The following ZFAT variants were observed in gnomAD, a reference collection of about 807,000 sequenced individuals.
ZFAT encodes the protein zinc finger protein ZFAT.
In ZFAT, 64 loss-of-function variants were observed where a neutral mutation model predicts 117.7. The observed-to-expected ratio is 0.54, with a 90% CI of 0.44 to 0.67. ZFAT has a LOEUF of 0.67. Among genes scored for constraint, ZFAT ranks in the 30% least tolerant of loss-of-function variants. The pLI, the probability that ZFAT is intolerant of heterozygous loss-of-function variation, is 0.00. For missense variants in ZFAT, 1,433 were observed against 1,584.5 expected (o/e 0.90, Z 1.62); for synonymous variants, 679 against 615.0 (o/e 1.10, Z -1.54).
At chr8:134,812,979 T>TC in the ZFAT span, among the ~76,000 whole-genome samples, 7 of 152,204 alleles carry the variant, frequency 4.6e-5, no homozygotes, top group African/African-American at 1.7e-4. Context: ...GAGCCTACTC[T>TC]CTTACCTGTG....
intron 3 of ZFAT, among the ~76,000 whole-genome samples, chr8:134,621,835 C>T (rs970197168): frequency 6.6e-6 from 1 of 152,174 alleles, no homozygotes. Context: ...TTAAGAGGTA[C>T]AGTGTACTAC....
At chr8:134,580,329 T>C (rs1216224491) in intron 10 of ZFAT, among the ~76,000 whole-genome samples, 1 of 152,110 alleles carries the variant, frequency 6.6e-6, no homozygotes, top group Non-Finnish European at 1.5e-5. Flanking sequence ...TAAAACCAAA[T>C]AATTCCAGGC....
At chr8:134,495,761 C>T (rs1818389101) in intron 15 of ZFAT, among the ~76,000 whole-genome samples, 1 of 152,146 alleles carries the variant, frequency 6.6e-6, no homozygotes, top group African/African-American at 2.4e-5. Flanking sequence ...AAAATCCTGT[C>T]TCTAGAAAAG....
At position 134,513,251 on chromosome 8, in the gene ZFAT, G is replaced by A. The variant is rs190031663; in HGVS notation, c.3235-650C>T. 1.6e-3 allele frequency among the ~76,000 whole-genome samples: 241 copies of A among 150,410 alleles called. 2 individuals carry two copies. The highest frequency in any genetic ancestry group is 5.6e-3 in the African/African-American group (230 of 40,786). Reference sequence around the variant, plus strand: ...CTCGCTCTGTCACCCAGGCTGGAGCGCGGTGGCGCGATCTCAGCTCACTGC... The same window carrying A: ...CTCGCTCTGTCACCCAGGCTGGAGCACGGTGGCGCGATCTCAGCTCACTGC... On this transcript the variant is annotated intron_variant, in intron 13 of 15. Coordinates refer to ENST00000377838, the MANE Select transcript of ZFAT (RefSeq NM_020863.4).
rs542964662 is a variant in ZFAT, at chr8:134,711,964, T to C, written c.19+881A>G. On this transcript the variant is annotated intron_variant, in intron 1 of 15. Coordinates refer to ENST00000377838, the MANE Select transcript of ZFAT (RefSeq NM_020863.4). The stretch of plus-strand genomic sequence containing the variant: ...AGATAAAGCTGGTGAGAGGCAGCTG[T>C]GCGGGGCATCTCCAAAAGGTCACTT... Among the ~76,000 whole-genome samples, 28 of 152,288 alleles carry C rather than the reference T, an allele frequency of 1.8e-4. No individual in the cohort carries two copies. In the South Asian group the frequency reaches 5.6e-3, roughly 30 times the overall value.
In ZFAT at chr8:134,609,754, G is replaced by C. The variant is rs150232355; in HGVS notation, c.634+716C>G. On this transcript the variant is annotated intron_variant, in intron 4 of 15. Coordinates refer to ENST00000377838, the MANE Select transcript of ZFAT (RefSeq NM_020863.4). The stretch of plus-strand genomic sequence containing the variant: ...TTTTTAAATTAAGGGTCCTATCCTA[G>C]AGATCTTTTTTAAAAATATAGTGTC... 4.6e-5 allele frequency among the ~76,000 whole-genome samples: 7 copies of C among 152,210 alleles called. No individual in the cohort carries two copies. The East Asian group carries it at 1.2e-3, about 25-fold the overall frequency.
At chr8:134,526,079 C>T (rs1218731913) in intron 12 of ZFAT, among the ~76,000 whole-genome samples, 3 of 152,148 alleles carry the variant, frequency 2.0e-5, no homozygotes, top group Non-Finnish European at 1.5e-5. Context: ...GATGTTGCTT[C>T]TCCTATAAAG....
chr8:134,506,950 T>G (rs544519807), intron 15 of ZFAT, among the ~76,000 whole-genome samples: 15 of 152,348 alleles, frequency 9.8e-5, no homozygotes, highest in Admixed American at 7.8e-4. Context: ...CAATACTGAT[T>G]TGTAGGATAC....
intron 10 of ZFAT, among the ~76,000 whole-genome samples, chr8:134,568,681 A>G (rs1824656473): frequency 6.6e-6 from 1 of 152,246 alleles, no homozygotes; most frequent in Admixed American, 6.5e-5. Context: ...CAAGAAAAGA[A>G]GGCAGAAGCT....
rs28621035 is a variant in ZFAT, at chr8:134,532,815, T to A, written c.3115+19A>T. 1.9e-6 allele frequency: 3 copies of A among 1,607,086 alleles called. No individual in the cohort carries two copies. Among genetic ancestry groups the A allele is most frequent in the African/African-American group, 2.7e-5 (2 of 74,954 alleles). On this transcript the variant is annotated intron_variant, in intron 12 of 15. Coordinates refer to ENST00000377838, the MANE Select transcript of ZFAT (RefSeq NM_020863.4). ...AAAAGGAAGCGGGCAGGGCCCCAGCTCGCTGGCCCCTCGCCTACCTTGCTG... is the reference window on the plus strand; with the variant it reads ...AAAAGGAAGCGGGCAGGGCCCCAGCACGCTGGCCCCTCGCCTACCTTGCTG...
the ZFAT span, among the ~76,000 whole-genome samples, chr8:134,778,046 C>T: frequency 6.6e-6 from 1 of 152,108 alleles, no homozygotes; most frequent in Admixed American, 6.5e-5. Context: ...TTCAAATTAC[C>T]CCCATTTAAC....
chr8:134,641,388 C>A (rs1480480065), intron 2 of ZFAT, among the ~76,000 whole-genome samples: 1 of 152,118 alleles, frequency 6.6e-6, no homozygotes, highest in African/African-American at 2.4e-5. Flanking sequence ...AAGCTGTGAC[C>A]ACCTCCTTCA....
intron 3 of ZFAT, among the ~76,000 whole-genome samples, chr8:134,613,306 A>G (rs1277232910): frequency 2.0e-5 from 3 of 152,222 alleles, no homozygotes; most frequent in Non-Finnish European, 4.4e-5. Flanking sequence ...CACTAATAAG[A>G]AGCAGCTGAA....
chr8:134,519,656 C>T, intron 13 of ZFAT, among the ~76,000 whole-genome samples: 1 of 152,066 alleles, frequency 6.6e-6, no homozygotes. Flanking sequence ...TCTTTCCTTC[C>T]AGTTCTAGGT....
At chr8:134,703,701 A>G (rs1400139171) in intron 1 of ZFAT, among the ~76,000 whole-genome samples, 3 of 152,260 alleles carry the variant, frequency 2.0e-5, no homozygotes, top group Non-Finnish European at 4.4e-5. Context: ...ATGGGTGTGA[A>G]GCACCTGACT....
the ZFAT span, among the ~76,000 whole-genome samples, chr8:134,818,788 A>G: frequency 2.6e-5 from 4 of 152,346 alleles, no homozygotes; most frequent in South Asian, 8.3e-4. Flanking sequence ...CTATTGGTGC[A>G]TGGTACAACA....
At chr8:134,709,252 G>A (rs1366283680) in intron 1 of ZFAT, among the ~76,000 whole-genome samples, 3 of 152,238 alleles carry the variant, frequency 2.0e-5, no homozygotes, top group African/African-American at 7.2e-5. Context: ...CAAGAAGAGA[G>A]TGGATGACAA....
the ZFAT span, among the ~76,000 whole-genome samples, chr8:134,741,888 C>T: frequency 6.6e-6 from 1 of 151,918 alleles, no homozygotes; most frequent in Non-Finnish European, 1.5e-5. Flanking sequence ...GATACATCTT[C>T]ACTTCTCTGC....
intron 3 of ZFAT, among the ~76,000 whole-genome samples, chr8:134,635,236 G>A (rs1194467598): frequency 6.6e-6 from 1 of 152,194 alleles, no homozygotes; most frequent in Non-Finnish European, 1.5e-5. Flanking sequence ...GAACTTCTGG[G>A]CCTCCAGGGT....
Sources: allele counts gnomAD v4.1 joint callset (sites outside exome capture counted in the v4.1 genomes callset), GRCh38; gene constraint gnomAD v4.1.1; transcripts MANE v1.5; gene names NCBI Gene and HGNC (gene_info 2026-07-23, HGNC 2026-07-21).